The following TRPM3 variants were observed in gnomAD, a reference collection of about 807,000 sequenced individuals.
TRPM3 encodes the protein transient receptor potential cation channel subfamily M member 3, also known as long transient receptor potential channel 3.
TRPM3 carries 77 observed loss-of-function variants against 181.2 expected under a neutral mutation model. The observed-to-expected ratio is 0.42, with a 90% CI of 0.35 to 0.51. The LOEUF is 0.51. TRPM3 is among the 20% of genes least tolerant of loss of function. The pLI is 0.01. For missense variants in TRPM3, 1,759 were observed against 2,196.7 expected, an observed-to-expected ratio of 0.80 and a Z score of 3.98; for synonymous variants, 745 against 796.4, an observed-to-expected ratio of 0.94 and a Z score of 1.09.
intron 1 of TRPM3, among the ~76,000 whole-genome samples, chr9:71,345,068 A>G (rs1284167305): frequency 6.6e-6 from 1 of 152,250 alleles, no homozygotes; most frequent in Non-Finnish European, 1.5e-5. Flanking sequence ...TTGAATGGCG[A>G]TCATTAAAAA....
At chr9:71,239,783 G>T (rs370037648) in intron 1 of TRPM3, among the ~76,000 whole-genome samples, 2 of 152,032 alleles carry the variant, frequency 1.3e-5, no homozygotes, top group East Asian at 3.9e-4. Context: ...TTAAAAAAGG[G>T]AAATTAAATA....
chr9:70,692,732 CT>C (rs2068978898), intron 8 of TRPM3, among the ~76,000 whole-genome samples: 1 of 152,184 alleles, frequency 6.6e-6, no homozygotes, highest in African/African-American at 2.4e-5. Flanking sequence ...AACATATTGA[CT>C]TTGTCACTCT....
chr9:71,038,021 G>C (rs555580922), intron 1 of TRPM3, among the ~76,000 whole-genome samples: 1 of 152,344 alleles, frequency 6.6e-6, no homozygotes, highest in South Asian at 2.1e-4. Flanking sequence ...TTACAAGGAA[G>C]CAGAGGTCTA....
At chr9:70,551,367 A>G (rs2046408010) in intron 24 of TRPM3, among the ~76,000 whole-genome samples, 1 of 152,210 alleles carries the variant, frequency 6.6e-6, no homozygotes, top group African/African-American at 2.4e-5. Context: ...GAGAAAGCAG[A>G]CATGGCTGTT....
chr9:71,270,072 C>A (rs184108232), intron 1 of TRPM3, among the ~76,000 whole-genome samples: 2 of 152,248 alleles, frequency 1.3e-5, no homozygotes, highest in African/African-American at 4.8e-5. Context: ...AATATGTAGT[C>A]ATGCAGTTAA....
At chr9:71,243,895 C>T (rs1024613482) in intron 1 of TRPM3, among the ~76,000 whole-genome samples, 2 of 149,320 alleles carry the variant, frequency 1.3e-5, no homozygotes, top group Non-Finnish European at 3.0e-5. Context: ...GTCAAATATA[C>T]CTCCATAGAA....
intron 1 of TRPM3, among the ~76,000 whole-genome samples, chr9:71,211,689 C>T (rs938480322): frequency 7.8e-4 from 119 of 152,268 alleles, no homozygotes; most frequent in African/African-American, 2.8e-3. Context: ...GCCTTGATTT[C>T]TGCCTTCACA....
chr9:71,172,523 T>G (rs184266925), intron 1 of TRPM3, among the ~76,000 whole-genome samples: 485 of 152,152 alleles, frequency 3.2e-3, no homozygotes, highest in African/African-American at 0.011. Flanking sequence ...CCTCCCACTT[T>G]AGCCTCTCGA....
chr9:71,386,840 C>T (rs764963065), intron 1 of TRPM3, among the ~76,000 whole-genome samples: 18 of 152,154 alleles, frequency 1.2e-4, no homozygotes, highest in East Asian at 9.6e-4. Flanking sequence ...ATCAGTGTTC[C>T]GTAAAAATCA....
At chr9:71,250,235 T>C (rs775334755) in intron 1 of TRPM3, among the ~76,000 whole-genome samples, 33 of 152,316 alleles carry the variant, frequency 2.2e-4, no homozygotes, top group South Asian at 4.1e-4. Flanking sequence ...GTATTTAACT[T>C]GAAGCTATAA....
chr9:71,262,181 G>C (rs2132078332), intron 1 of TRPM3, among the ~76,000 whole-genome samples: 1 of 152,296 alleles, frequency 6.6e-6, no homozygotes, highest in South Asian at 2.1e-4. Context: ...ACCCAGACTG[G>C]GGCTGCTGCC....
intron 1 of TRPM3, among the ~76,000 whole-genome samples, chr9:71,380,075 C>A (rs2092762996): frequency 6.6e-6 from 1 of 151,994 alleles, no homozygotes; most frequent in Non-Finnish European, 1.5e-5. Context: ...TGTATAGTTT[C>A]AGGAAATACA....
chr9:70,886,458 T>C (rs1260463600), intron 1 of TRPM3, among the ~76,000 whole-genome samples: 2 of 152,138 alleles, frequency 1.3e-5, no homozygotes, highest in African/African-American at 2.4e-5. Context: ...CTTTATATTG[T>C]ACAACAAATG....
At chr9:71,270,331 C>T (rs537067835) in intron 1 of TRPM3, among the ~76,000 whole-genome samples, 13 of 152,272 alleles carry the variant, frequency 8.5e-5, no homozygotes, top group Non-Finnish European at 1.6e-4. Context: ...GCCTGGGCGA[C>T]AAGAGCGAGA....
chr9:71,224,635 T>C (rs2080464714), intron 1 of TRPM3, among the ~76,000 whole-genome samples: 1 of 151,974 alleles, frequency 6.6e-6, no homozygotes, highest in Non-Finnish European at 1.5e-5. Flanking sequence ...TTTCAGGAAA[T>C]TCAAAGAAAT....
chr9:70,611,851 C>T (rs1274071458), intron 18 of TRPM3, among the ~76,000 whole-genome samples: 4 of 152,192 alleles, frequency 2.6e-5, no homozygotes, highest in Non-Finnish European at 5.9e-5. Context: ...AGAACAGAAT[C>T]ATTTCCTTTT....
intron 6 of TRPM3, among the ~76,000 whole-genome samples, chr9:70,791,310 A>C (rs11142595): frequency 6.6e-6 from 1 of 152,074 alleles, no homozygotes; most frequent in Non-Finnish European, 1.5e-5. Context: ...GTACCACACA[A>C]GTTATTAAAC....
chr9:71,393,161 C>G lies in TRPM3; in HGVS notation c.183+53492G>C, dbSNP rs575977970. 2.0e-5 allele frequency among the ~76,000 whole-genome samples: 3 copies of G among 152,206 alleles called. No individual in the cohort carries two copies. The East Asian group carries it at 5.8e-4, about 29-fold the overall frequency. The stretch of plus-strand genomic sequence containing the variant: ...TTCACAGTAAGAAAAGAGCCTGGTT[C>G]AGGCCAAGGGAGTCAGAGAAGTGAA... On this transcript the variant is annotated intron_variant, in intron 1 of 24. Transcript: ENST00000357533.
chr9:70,878,294 G>A (rs1313673659), intron 1 of TRPM3, among the ~76,000 whole-genome samples: 1 of 152,088 alleles, frequency 6.6e-6, no homozygotes, highest in Non-Finnish European at 1.5e-5. Flanking sequence ...AAGCATAGCT[G>A]TGGAGTTAAT....
Sources: gnomAD v4.1 joint callset for allele counts (sites outside exome capture counted in the v4.1 genomes callset) on GRCh38, gnomAD v4.1.1 for gene constraint, MANE v1.5 for transcripts, NCBI Gene and HGNC (gene_info 2026-07-23, HGNC 2026-07-21) for gene names.